The following EYS variants were observed in gnomAD, a reference collection of about 807,000 sequenced individuals.
The protein encoded by EYS is protein eyes shut homolog.
In EYS, 250 loss-of-function variants were observed where a neutral mutation model predicts 282.1. The ratio of observed to expected loss-of-function variants is 0.89; its 90% confidence interval spans 0.80 to 0.98. EYS has a LOEUF of 0.98. Ranked by LOEUF, EYS falls within the 50% of genes least tolerant of loss-of-function variation. EYS has a pLI of 0.00. For synonymous variants in EYS, 1,355 were observed against 1,282.9 expected, an observed-to-expected ratio of 1.06 and a Z score of -1.20; for missense variants, 4,016 against 3,709.0, an observed-to-expected ratio of 1.08 and a Z score of -2.15.
chr6:65,405,738 A>T (rs1457714509), intron 5 of EYS, among the ~76,000 whole-genome samples: 1 of 151,994 alleles, frequency 6.6e-6, no homozygotes, highest in Non-Finnish European at 1.5e-5. Context: ...AATTTTTTTT[A>T]AAGAATTTTC....
chr6:64,924,918 A>G (rs1321290094), intron 15 of EYS, among the ~76,000 whole-genome samples: 1 of 152,166 alleles, frequency 6.6e-6, no homozygotes, highest in African/African-American at 2.4e-5. Context: ...TCTTCTTCTG[A>G]GCCCTCCAAA....
At chr6:65,258,555 G>T (rs1767534223) in intron 12 of EYS, among the ~76,000 whole-genome samples, 1 of 151,972 alleles carries the variant, frequency 6.6e-6, no homozygotes. Flanking sequence ...AAGGGGGAGA[G>T]CTATGTAATC....
intron 30 of EYS, among the ~76,000 whole-genome samples, chr6:64,251,555 T>C (rs1562272842): frequency 6.6e-6 from 1 of 152,306 alleles, no homozygotes; most frequent in South Asian, 2.1e-4. Flanking sequence ...TATTCTTAGT[T>C]GTTACTTCTC....
chr6:64,800,127 CAAG>C (rs1774492977), intron 22 of EYS, among the ~76,000 whole-genome samples: 1 of 151,974 alleles, frequency 6.6e-6, no homozygotes, highest in South Asian at 2.1e-4. Flanking sequence ...AATTGGAAGG[CAAG>C]AAGAATTTTC....
intron 36 of EYS, among the ~76,000 whole-genome samples, chr6:63,850,191 C>T (rs183882691): frequency 1.7e-4 from 26 of 152,212 alleles, no homozygotes; most frequent in Admixed American, 9.2e-4. Flanking sequence ...AAGACCAAAC[C>T]TATGATTGAT....
At chr6:64,681,700 C>G (rs1157858552) in intron 22 of EYS, among the ~76,000 whole-genome samples, 1 of 152,092 alleles carries the variant, frequency 6.6e-6, no homozygotes, top group African/African-American at 2.4e-5. Flanking sequence ...GCGGGACAAT[C>G]AAACAGGAGA....
intron 12 of EYS, among the ~76,000 whole-genome samples, chr6:65,174,955 T>A (rs1246208162): frequency 6.6e-6 from 1 of 151,324 alleles, no homozygotes; most frequent in Non-Finnish European, 1.5e-5. Flanking sequence ...TTATTTTTTG[T>A]TCATGGATAC....
intron 26 of EYS, among the ~76,000 whole-genome samples, chr6:64,566,249 C>G (rs1053791684): frequency 4.6e-5 from 7 of 152,124 alleles, no homozygotes; most frequent in Non-Finnish European, 1.5e-5. Flanking sequence ...AGTATACTAT[C>G]TCTCTGTATT....
intron 7 of EYS, among the ~76,000 whole-genome samples, chr6:65,389,466 A>G (rs1213023642): frequency 1.3e-5 from 2 of 152,116 alleles, no homozygotes; most frequent in Non-Finnish European, 2.9e-5. Flanking sequence ...AGCTTTTTTG[A>G]TGAGACTTCC....
chr6:64,174,277 AT>A (rs1278619570), intron 31 of EYS, among the ~76,000 whole-genome samples: 1 of 152,086 alleles, frequency 6.6e-6, no homozygotes, highest in Non-Finnish European at 1.5e-5. Context: ...TTTCTTGTAT[AT>A]TTTTGCTTAA....
intron 8 of EYS, among the ~76,000 whole-genome samples, chr6:65,365,360 G>A (rs1040601035): frequency 2.6e-5 from 4 of 151,520 alleles, no homozygotes; most frequent in Non-Finnish European, 5.9e-5. Context: ...GATTGGAAAT[G>A]ATTATGAAGA....
chr6:64,650,975 C>A (rs1160201454), intron 22 of EYS, among the ~76,000 whole-genome samples: 1 of 151,830 alleles, frequency 6.6e-6, no homozygotes, highest in African/African-American at 2.4e-5. Flanking sequence ...ATAAATACAA[C>A]CTTATTGTCT....
chr6:63,869,165 G>A (rs1772739270), intron 35 of EYS, among the ~76,000 whole-genome samples: 1 of 151,988 alleles, frequency 6.6e-6, no homozygotes, highest in East Asian at 1.9e-4. Context: ...TCTAAAGGCA[G>A]GAACAAGATA....
rs1582499777 is a variant in EYS at position 65,597,337 on chromosome 6, T to C, written c.-333+42441A>G. Among the ~76,000 whole-genome samples, 3 of 152,086 alleles carry C rather than the reference T, an allele frequency of 2.0e-5. No homozygotes were observed. In the East Asian group the frequency reaches 5.8e-4, roughly 30 times the overall value. Reference sequence around the variant, plus strand: ...TAGCCTCGCCCAGAGTAATGTTCCATGGAACAATAAATGAGGAACACTCTT... The same window carrying C: ...TAGCCTCGCCCAGAGTAATGTTCCACGGAACAATAAATGAGGAACACTCTT... On this transcript the variant is annotated intron_variant, in intron 2 of 42. Coordinates refer to ENST00000503581, the MANE Select transcript of EYS (RefSeq NM_001142800.2).
intron 19 of EYS, among the ~76,000 whole-genome samples, chr6:64,834,613 T>C (rs1765327402): frequency 1.3e-5 from 2 of 151,808 alleles, no homozygotes; most frequent in Admixed American, 1.3e-4. Flanking sequence ...CTTAAATCAA[T>C]AGCATAACAT....
chr6:65,594,266 CTT>C (rs1303315297), intron 2 of EYS, among the ~76,000 whole-genome samples: 1 of 151,964 alleles, frequency 6.6e-6, no homozygotes, highest in Non-Finnish European at 1.5e-5. Flanking sequence ...GATGAGAACA[CTT>C]ATTGCTGTAA....
chr6:65,251,307 T>A (rs929475019), intron 12 of EYS, among the ~76,000 whole-genome samples: 3 of 151,374 alleles, frequency 2.0e-5, no homozygotes, highest in African/African-American at 7.3e-5. Flanking sequence ...CACTAGAAAA[T>A]ACTGATGTTT....
At chr6:64,682,953 A>G (rs1769953344) in intron 22 of EYS, among the ~76,000 whole-genome samples, 2 of 152,150 alleles carry the variant, frequency 1.3e-5, no homozygotes, top group South Asian at 4.1e-4. Flanking sequence ...TCGGATACCT[A>G]ACACCCCTAA....
chr6:64,894,726 G>A (rs1767399440), intron 18 of EYS, among the ~76,000 whole-genome samples: 1 of 152,090 alleles, frequency 6.6e-6, no homozygotes, highest in South Asian at 2.1e-4. Flanking sequence ...GTTCTATGGT[G>A]AAAGAAAGAT....
Sources: gnomAD v4.1 joint callset for allele counts (sites outside exome capture counted in the v4.1 genomes callset) on GRCh38, gnomAD v4.1.1 for gene constraint, MANE v1.5 for transcripts, NCBI Gene and HGNC (gene_info 2026-07-23, HGNC 2026-07-21) for gene names.